Variants in PHACTR1 observed in about 807,000 individuals in gnomAD.
The protein encoded by PHACTR1 is RPEL repeat containing 1.
Under a neutral mutation model 69.2 loss-of-function variants are expected in PHACTR1, and 16 were observed. The observed-to-expected ratio is 0.23, with a 90% CI of 0.16 to 0.35. The LOEUF (loss-of-function observed/expected upper bound fraction) is 0.35, where lower values mean the gene tolerates loss of function less well. Ranked by LOEUF, PHACTR1 falls within the 10% of genes least tolerant of loss-of-function variation. PHACTR1 has a pLI of 1.00. For synonymous variants in PHACTR1, 312 were observed against 284.5 expected (o/e 1.10, Z -0.97); for missense variants, 510 against 734.7 (o/e 0.69, Z 3.54).
At chr6:12,832,082 TG>T (rs964719733) in intron 4 of PHACTR1, among the ~76,000 whole-genome samples, 6 of 152,120 alleles carry the variant, frequency 3.9e-5, no homozygotes, top group Non-Finnish European at 7.4e-5. Flanking sequence ...TACTCCAGCC[TG>T]GGTGACAGAA....
At chr6:12,919,875 A>G (rs1787446877) in intron 4 of PHACTR1, among the ~76,000 whole-genome samples, 1 of 152,206 alleles carries the variant, frequency 6.6e-6, no homozygotes, top group Admixed American at 6.5e-5. Flanking sequence ...GGAGCCCTGG[A>G]GTACAATGGA....
At chr6:12,768,496 A>C (rs1370395124) in intron 4 of PHACTR1, among the ~76,000 whole-genome samples, 1 of 152,072 alleles carries the variant, frequency 6.6e-6, no homozygotes, top group Non-Finnish European at 1.5e-5. Context: ...GCGAAGAGAG[A>C]CCTTTAGAAT....
chr6:13,205,165 TGCAGAGA>T (rs1325955945), intron 7 of PHACTR1, among the ~76,000 whole-genome samples: 1 of 152,094 alleles, frequency 6.6e-6, no homozygotes, highest in African/African-American at 2.4e-5. Flanking sequence ...AGCTGGTGTG[TGCAGAGA>T]GCACATGGCA....
chr6:12,883,613 ACCTGAGTCCTGAGT>A (rs569569049), intron 4 of PHACTR1, among the ~76,000 whole-genome samples: 18 of 151,808 alleles, frequency 1.2e-4, no homozygotes, highest in South Asian at 6.3e-4. Context: ...GAGACCTGAG[ACCTGAGTCCTGAGT>A]CCTGAGTCCT....
intron 4 of PHACTR1, among the ~76,000 whole-genome samples, chr6:12,890,034 A>T (rs1390868242): frequency 6.6e-6 from 1 of 152,038 alleles, no homozygotes; most frequent in East Asian, 1.9e-4. Flanking sequence ...CCTGTTAGGA[A>T]GTGGGTGGGG....
chr6:12,840,684 C>T (rs1295089866), intron 4 of PHACTR1, among the ~76,000 whole-genome samples: 4 of 152,162 alleles, frequency 2.6e-5, no homozygotes, highest in African/African-American at 7.2e-5. Flanking sequence ...GTTTCCTATA[C>T]CCATACATCA....
chr6:13,009,931 ACTC>A (rs1354812812), intron 4 of PHACTR1, among the ~76,000 whole-genome samples: 2 of 145,126 alleles, frequency 1.4e-5, no homozygotes, highest in Non-Finnish European at 3.0e-5. Context: ...TTCTCAGGGG[ACTC>A]CTCCTGCATA....
chr6:12,933,717 G>A, intron 4 of PHACTR1: 2 of 1,612,836 alleles, frequency 1.2e-6, no homozygotes, highest in Middle Eastern at 1.6e-4. Context: ...CTCGAACTGT[G>A]TTCCCTGGAA....
intron 4 of PHACTR1, among the ~76,000 whole-genome samples, chr6:13,015,671 T>C (rs1800076151): frequency 1.3e-5 from 2 of 152,238 alleles, no homozygotes; most frequent in South Asian, 4.1e-4. Flanking sequence ...GAAAGGTATA[T>C]GTCCATATTC....
chr6:12,778,720 G>A (rs1234741281), intron 4 of PHACTR1, among the ~76,000 whole-genome samples: 2 of 152,176 alleles, frequency 1.3e-5, no homozygotes, highest in East Asian at 3.9e-4. Context: ...TTGGAAGATA[G>A]TAAAACTTAT....
In PHACTR1 at chr6:12,998,147, GA is replaced by G. The variant is rs547269077; in HGVS notation, c.251-55211del. ...CAACTGCGCAATATGCAGTACTCAGGAAAAAAATTATTCTCCATATTGTAAA... is the reference window on the plus strand; with the variant it reads ...CAACTGCGCAATATGCAGTACTCAGGAAAAAATTATTCTCCATATTGTAAA... On this transcript the variant is annotated intron_variant, in intron 4 of 14. Coordinates refer to ENST00000332995, the MANE Select transcript of PHACTR1 (RefSeq NM_030948.6). 3.3e-3 allele frequency among the ~76,000 whole-genome samples: 496 copies of G among 152,040 alleles called. 1 individual carries two copies. The highest frequency in any genetic ancestry group is 0.012 in the African/African-American group (482 of 41,484).
intron 4 of PHACTR1, among the ~76,000 whole-genome samples, chr6:12,884,644 G>A (rs1783453502): frequency 6.6e-6 from 1 of 152,036 alleles, no homozygotes; most frequent in African/African-American, 2.4e-5. Context: ...CTCATGGTCC[G>A]CCCGCCTCAG....
chr6:12,822,216 T>C (rs1776308000), intron 4 of PHACTR1, among the ~76,000 whole-genome samples: 1 of 152,076 alleles, frequency 6.6e-6, no homozygotes, highest in African/African-American at 2.4e-5. Flanking sequence ...GGCATGTGTT[T>C]TGAGAGGAGG....
At chr6:12,830,775 T>G (rs2127727676) in intron 4 of PHACTR1, among the ~76,000 whole-genome samples, 1 of 151,896 alleles carries the variant, frequency 6.6e-6, no homozygotes, top group East Asian at 1.9e-4. Flanking sequence ...TATTTTTTTT[T>G]AGTAGAAATG....
At chr6:13,126,124 A>G (rs1819499269) in intron 5 of PHACTR1, among the ~76,000 whole-genome samples, 1 of 152,208 alleles carries the variant, frequency 6.6e-6, no homozygotes. Flanking sequence ...ATAATGGTGC[A>G]AGAAGAAAGA....
chr6:13,081,236 A>T (rs1178033927), intron 5 of PHACTR1, among the ~76,000 whole-genome samples: 1 of 152,178 alleles, frequency 6.6e-6, no homozygotes, highest in African/African-American at 2.4e-5. Flanking sequence ...ACTGGGTTCT[A>T]CTAGAAGATG....
At chr6:13,192,356 C>G (rs1378851024) in intron 7 of PHACTR1, among the ~76,000 whole-genome samples, 2 of 152,098 alleles carry the variant, frequency 1.3e-5, no homozygotes, top group Non-Finnish European at 2.9e-5. Context: ...AAACAAGATG[C>G]AAAGGACACA....
chr6:13,075,064 C>T (rs780615525), intron 5 of PHACTR1, among the ~76,000 whole-genome samples: 2 of 152,142 alleles, frequency 1.3e-5, no homozygotes, highest in African/African-American at 4.8e-5. Context: ...CATATGTATG[C>T]GTTGCTTTTA....
intron 4 of PHACTR1, among the ~76,000 whole-genome samples, chr6:13,051,251 A>G (rs988060394): frequency 6.6e-6 from 1 of 151,488 alleles, no homozygotes; most frequent in Non-Finnish European, 1.5e-5. Context: ...CCTTCACCCT[A>G]CCTCTGCATG....
Sources: gnomAD v4.1 joint callset for allele counts (sites outside exome capture counted in the v4.1 genomes callset) on GRCh38, gnomAD v4.1.1 for gene constraint, MANE v1.5 for transcripts, NCBI Gene and HGNC (gene_info 2026-07-23, HGNC 2026-07-21) for gene names.